TMEM163: variants seen among roughly 807,000 people sequenced by gnomAD.
TMEM163 encodes the protein transmembrane protein 163.
TMEM163 carries 17 observed loss-of-function variants against 29.3 expected under a neutral mutation model. That is an observed-to-expected ratio of 0.58 (90% CI 0.40 to 0.87). The LOEUF (loss-of-function observed/expected upper bound fraction) is 0.87, where lower values mean the gene tolerates loss of function less well. Ranked by LOEUF, TMEM163 falls within the 40% of genes least tolerant of loss-of-function variation. TMEM163 has a pLI of 0.00. For synonymous variants in TMEM163, 157 were observed against 160.6 expected (o/e 0.98, Z 0.17); for missense variants, 303 against 381.5 (o/e 0.79, Z 1.71).
chr2:134,515,645 T>C (rs1400385710), intron 4 of TMEM163, among the ~76,000 whole-genome samples: 1 of 152,216 alleles, frequency 6.6e-6, no homozygotes, highest in Non-Finnish European at 1.5e-5. Context: ...GTAACTGTGA[T>C]ACATCAATTC....
intron 5 of TMEM163, among the ~76,000 whole-genome samples, chr2:134,494,701 A>G (rs1679507031): frequency 6.6e-6 from 1 of 152,188 alleles, no homozygotes; most frequent in South Asian, 2.1e-4. Context: ...TTATTTTCTT[A>G]ACAATCCTAT....
At position 134,718,974 on chromosome 2, in the gene TMEM163, C is replaced by T. The variant is rs1685104483; in HGVS notation, c.-39G>A. ...GGATCCCGGCGGCGGCGACGACAAG[C>T]GCGGCGGGGACTCGAGTCAGAAGTG... On this transcript the variant is annotated 5_prime_UTR_variant, in exon 1 of 8. Coordinates refer to ENST00000281924, the MANE Select transcript of TMEM163 (RefSeq NM_030923.5). 5 of 1,003,320 alleles carry T rather than the reference C, an allele frequency of 5.0e-6. No individual in the cohort carries two copies. Among genetic ancestry groups the T allele is most frequent in the Non-Finnish European group, 4.7e-6 (4 of 843,242 alleles). 62.2% of individuals were successfully genotyped at this position (1,003,320 alleles called of 1,614,324 possible). A position where few individuals can be genotyped will look rare whatever the true frequency, so the allele number is the denominator to read the frequency against.
chr2:134,619,091 C>T (rs891983985), intron 2 of TMEM163, among the ~76,000 whole-genome samples: 1 of 152,142 alleles, frequency 6.6e-6, no homozygotes, highest in Non-Finnish European at 1.5e-5. Context: ...AACAGCCCTA[C>T]ATATGCAAAA....
intron 4 of TMEM163, among the ~76,000 whole-genome samples, chr2:134,529,713 G>A (rs925407930): frequency 2.9e-4 from 44 of 151,730 alleles, no homozygotes; most frequent in South Asian, 1.0e-3. Flanking sequence ...AGATCTCCCC[G>A]GCGATCACAC....
intron 4 of TMEM163, among the ~76,000 whole-genome samples, chr2:134,528,107 C>T (rs515983): frequency 0.39 from 58,525 of 151,984 alleles, 11,928 homozygotes; most frequent in East Asian, 0.56. Context: ...CCATCCAGAT[C>T]CTAAATCACA....
chr2:134,562,406 T>G (rs1196442434), intron 2 of TMEM163, among the ~76,000 whole-genome samples: 1 of 152,246 alleles, frequency 6.6e-6, no homozygotes, highest in Non-Finnish European at 1.5e-5. Flanking sequence ...TTATTTAATG[T>G]GTGACAGTCA....
At chr2:134,513,146 A>G (rs1317370807) in intron 4 of TMEM163, among the ~76,000 whole-genome samples, 5 of 152,228 alleles carry the variant, frequency 3.3e-5, no homozygotes, top group African/African-American at 9.6e-5. Context: ...CAAAGGAGCC[A>G]AGAATGATTT....
chr2:134,509,702 T>C (rs1203424124), intron 4 of TMEM163, among the ~76,000 whole-genome samples: 3 of 152,174 alleles, frequency 2.0e-5, no homozygotes, highest in African/African-American at 7.2e-5. Flanking sequence ...ATAGGAAACC[T>C]GGAAATCACT....
intron 2 of TMEM163, among the ~76,000 whole-genome samples, chr2:134,630,007 G>A (rs1682932472): frequency 6.6e-6 from 1 of 152,126 alleles, no homozygotes. Context: ...AGTATCCACA[G>A]GCCCTCTGAG....
intron 2 of TMEM163, among the ~76,000 whole-genome samples, chr2:134,628,724 T>C (rs187707489): frequency 1.3e-5 from 2 of 152,390 alleles, no homozygotes; most frequent in Admixed American, 1.3e-4. Flanking sequence ...CTGGTTTCTC[T>C]TGACCTCACC....
At chr2:134,704,476 G>T (rs1684764711) in intron 2 of TMEM163, among the ~76,000 whole-genome samples, 1 of 152,098 alleles carries the variant, frequency 6.6e-6, no homozygotes, top group Non-Finnish European at 1.5e-5. Flanking sequence ...CCAGGTCCGT[G>T]TGGGACAAGC....
At chr2:134,477,346 G>C (rs1296944672) in intron 5 of TMEM163, among the ~76,000 whole-genome samples, 1 of 152,230 alleles carries the variant, frequency 6.6e-6, no homozygotes, top group Non-Finnish European at 1.5e-5. Context: ...CGATCTGTTT[G>C]TTTAAAAGCT....
intron 4 of TMEM163, among the ~76,000 whole-genome samples, chr2:134,503,548 GTCTAC>G (rs1015724412): frequency 3.9e-5 from 6 of 152,236 alleles, no homozygotes; most frequent in Admixed American, 3.9e-4. Flanking sequence ...GCAAAGGAAA[GTCTAC>G]TCTGTCACTT....
At chr2:134,648,350 C>T (rs1345295889) in intron 2 of TMEM163, among the ~76,000 whole-genome samples, 3 of 151,834 alleles carry the variant, frequency 2.0e-5, no homozygotes, top group Non-Finnish European at 4.4e-5. Flanking sequence ...CTCTTCTCTG[C>T]TGTGTGGAAC....
intron 2 of TMEM163, among the ~76,000 whole-genome samples, chr2:134,704,577 G>A (rs557055368): frequency 5.3e-5 from 8 of 151,994 alleles, no homozygotes; most frequent in African/African-American, 9.7e-5. Context: ...TTAGTCCCTC[G>A]CCCCACTGCC....
At chr2:134,484,802 C>A (rs1679275027) in intron 5 of TMEM163, among the ~76,000 whole-genome samples, 1 of 152,038 alleles carries the variant, frequency 6.6e-6, no homozygotes, top group Non-Finnish European at 1.5e-5. Context: ...AAGGGTCAAC[C>A]AGAGTAGGAA....
chr2:134,683,426 T>TAA (rs544236321), intron 2 of TMEM163, among the ~76,000 whole-genome samples: 33 of 139,130 alleles, frequency 2.4e-4, no homozygotes, highest in South Asian at 1.4e-3. Flanking sequence ...GTCTTTAATT[T>TAA]AAAAAAAAAA....
At chr2:134,651,523 T>C (rs1475425267) in intron 2 of TMEM163, among the ~76,000 whole-genome samples, 40 of 118,988 alleles carry the variant, frequency 3.4e-4, no homozygotes, top group East Asian at 4.4e-4. Context: ...TAGTTTCTTT[T>C]GCTGTGCAGA....
intron 2 of TMEM163, among the ~76,000 whole-genome samples, chr2:134,595,663 T>C (rs138693426): frequency 0.012 from 1,876 of 152,314 alleles, 46 homozygotes; most frequent in African/African-American, 0.041. Context: ...ATGGTATTTC[T>C]AGTTCTAGAT....
Sources: gnomAD v4.1 joint callset for allele counts (sites outside exome capture counted in the v4.1 genomes callset) on GRCh38, gnomAD v4.1.1 for gene constraint, MANE v1.5 for transcripts, NCBI Gene and HGNC (gene_info 2026-07-23, HGNC 2026-07-21) for gene names.